RMDN1: variants seen among roughly 807,000 people sequenced by gnomAD.
RMDN1 encodes regulator of microtubule dynamics protein 1.
In RMDN1, 48 loss-of-function variants were observed where a neutral mutation model predicts 48.9. The ratio of observed to expected loss-of-function variants is 0.98; its 90% confidence interval spans 0.78 to 1.25. The LOEUF (loss-of-function observed/expected upper bound fraction) is 1.25, where lower values mean the gene tolerates loss of function less well. Ranked by LOEUF, RMDN1 falls within the 50% of genes most tolerant of loss-of-function variation. RMDN1 has a pLI of 0.00. For missense variants in RMDN1, 418 were observed against 373.4 expected (o/e 1.12, Z -0.98); for synonymous variants, 148 against 132.6 (o/e 1.12, Z -0.80).
Position 86,474,336 on chromosome 8 carries a change from A to C in RMDN1, c.917T>G (p.Leu306Trp). 1 of 1,613,502 alleles carries C rather than the reference A, an allele frequency of 6.2e-7. No individual in the cohort carries two copies. Among genetic ancestry groups the C allele is most frequent in the Non-Finnish European group, 8.5e-7 (1 of 1,179,562 alleles). Reference sequence around the variant, plus strand: ...ATTCTTCTCACTGAAACTTGTAAGCAACTGAGCAGCTTCTGTCTGTATCTA... The same window carrying C: ...ATTCTTCTCACTGAAACTTGTAAGCCACTGAGCAGCTTCTGTCTGTATCTA... ...DKQIQTEAAQ[L>W]LTSFSEKN is the part of the protein sequence containing the mutation. Residue 306 changes from leucine to tryptophan, a missense_variant, in exon 10 of 10, where the codon TTG (leucine) becomes TGG (tryptophan). Transcript: ENST00000406452.
At position 86,475,811 on chromosome 8, in the gene RMDN1, T is replaced by A. The variant is rs1813272963; in HGVS notation, c.761-858A>T. On this transcript the variant is annotated intron_variant, in intron 8 of 9. Transcript: ENST00000406452. Reference sequence around the variant, plus strand: ...GCAGATTTGTGTGATGCCATGTTGATATACTTAAGTTGTCCTGGGGTTAAA... The same window carrying A: ...GCAGATTTGTGTGATGCCATGTTGAAATACTTAAGTTGTCCTGGGGTTAAA... Among the ~76,000 whole-genome samples, 2 of 152,100 alleles carry A rather than the reference T, an allele frequency of 1.3e-5. 1 individual carries two copies. Among genetic ancestry groups the A allele is most frequent in the South Asian group, 4.1e-4 (2 of 4,828 alleles).
intron 2 of RMDN1, among the ~76,000 whole-genome samples, chr8:86,503,385 A>AAAAAAAAAAAAAAAAAAAAAACAAAAC (rs1554594088): frequency 1.2e-5 from 1 of 81,094 alleles, no homozygotes; most frequent in Non-Finnish European, 2.3e-5. Flanking sequence ...AAAAAAAAAA[A>AAAAAAAAAAAAAAAAAAAAAACAAAAC]AAAACAAAAA....
downstream of RMDN1, among the ~76,000 whole-genome samples, chr8:86,469,113 C>T (rs1438979266): frequency 1.3e-5 from 2 of 151,154 alleles, no homozygotes; most frequent in Non-Finnish European, 2.9e-5. Context: ...ACAATTCTAT[C>T]TGTTAGATCA....
rs1814671318 is a variant in RMDN1 at position 86,482,458 on chromosome 8, G to GCCATA, written c.586-2131_586-2127dup. The GCCATA allele has an allele frequency of 7.5e-6, 4 of 533,994 alleles. No homozygotes were observed. The Admixed American group carries it at 9.9e-5, about 13-fold the overall frequency. The allele number at this position is 533,994 out of a possible 1,614,324, so 33.1% of individuals were successfully genotyped here. ...TTTGCAGTCTTAAGTTGACAGCAAT[G>GCCATA]CCATATATTATTAGAAAGTGTTATT... On this transcript the variant is annotated intron_variant, in intron 5 of 9. Coordinates refer to ENST00000406452, the MANE Select transcript of RMDN1 (RefSeq NM_016033.3).
intron 4 of RMDN1, 88 bp from the exon 5 acceptor site, chr8:86,485,049 A>G (rs1475451999): frequency 5.7e-5 from 39 of 687,038 alleles, no homozygotes; most frequent in Non-Finnish European, 5.0e-5. Flanking sequence ...TTCAATAGTC[A>G]TTCTCATCCA....
At chr8:86,482,950 TC>T in intron 5 of RMDN1, 1 of 787,250 alleles carries the variant, frequency 1.3e-6, no homozygotes. Context: ...TCGGACGAGG[TC>T]CCCGGCGGAC....
Position 86,508,513 on chromosome 8 carries a change from G to A in RMDN1, c.108C>T (p.Pro36=), listed in dbSNP as rs370980908. The A allele has an allele frequency of 2.4e-4, 382 of 1,560,984 alleles. 1 individual carries two copies. In the African/African-American group the frequency reaches 4.7e-3, roughly 19 times the overall value. ...GTACCTCGAAGCCGCGGAATCGACA[G>A]GGGCCGCAATGCCCGCGGCTGCCCG... is the stretch of plus-strand genomic sequence containing the variant. ...GTSGSRGHCG[P]CRFRGFEVMG... is the part of the protein sequence containing the mutation. The change falls in exon 1 of 10, where the codon CCC becomes CCT. Residue 36 remains proline, a synonymous_variant. Transcript: ENST00000406452.
chr8:86,473,775 A>G lies in RMDN1; in HGVS notation c.*533T>C, dbSNP rs907731005. On this transcript the variant is annotated 3_prime_UTR_variant, in exon 10 of 10. Transcript: ENST00000406452. ...AGTGAGACTCTGTCTCAAAAAAATA[A>G]AAAAGGAAACTACTCCATTTTTAGT... 6.2e-6 allele frequency: 6 copies of G among 970,814 alleles called. No homozygotes were observed. In the African/African-American group the frequency reaches 8.8e-5, roughly 14 times the overall value. 60.1% of individuals were successfully genotyped at this position (970,814 alleles called of 1,614,324 possible).
chr8:86,477,299 T>A lies in RMDN1; in HGVS notation c.755A>T (p.Glu252Val). The A allele has an allele frequency of 6.2e-7, 1 of 1,602,600 alleles. No homozygotes were observed. Among genetic ancestry groups the A allele is most frequent in the African/African-American group, 1.3e-5 (1 of 74,642 alleles). Residue 252 changes from glutamate (E) to valine (V), a missense_variant, in exon 8 of 10, where the codon GAA (glutamate) becomes GTA (valine). Coordinates refer to ENST00000406452, the MANE Select transcript of RMDN1 (RefSeq NM_016033.3). ...EKALGYFHRA[E>V]QVDPNFYSKN... ...TGTAATCAAAAATACCTTACCTTGT[T>A]CTGCCCTGTGAAAGTAGCCTAAGGC...
At chr8:86,504,934 C>A in intron 2 of RMDN1, 3 of 1,243,104 alleles carry the variant, frequency 2.4e-6, no homozygotes, top group Non-Finnish European at 3.5e-6. Flanking sequence ...GTCCCTGAGA[C>A]CCATGGCAGG....
At chr8:86,500,207 T>C (rs4961197) in intron 2 of RMDN1, among the ~76,000 whole-genome samples, 40,232 of 152,028 alleles carry the variant, frequency 0.26, 6,210 homozygotes, top group East Asian at 0.53. Flanking sequence ...AGCTTCTATA[T>C]AGCAAAAGAA....
chr8:86,477,180 C>A, intron 8 of RMDN1, 114 bp downstream of exon 8: 1 of 686,066 alleles, frequency 1.5e-6, no homozygotes, highest in South Asian at 3.2e-5. Context: ...CAGTATCTAG[C>A]ACAAAAATAA....
downstream of RMDN1, among the ~76,000 whole-genome samples, chr8:86,471,126 TGA>T (rs1812521832): frequency 6.6e-6 from 1 of 151,342 alleles, no homozygotes; most frequent in Non-Finnish European, 1.5e-5. Context: ...TGGGATAGGC[TGA>T]GAGAAAGGTA....
chr8:86,481,877 A>G, intron 5 of RMDN1: 1 of 737,824 alleles, frequency 1.4e-6, no homozygotes. Flanking sequence ...ACATCAAGGT[A>G]GATCTAATAT....
downstream of RMDN1, among the ~76,000 whole-genome samples, chr8:86,469,360 G>GT (rs932120148): frequency 4.6e-5 from 7 of 152,258 alleles, no homozygotes; most frequent in African/African-American, 1.7e-4. Flanking sequence ...ACCCTGACTG[G>GT]TAAGTTGCAT....
intron 2 of RMDN1, among the ~76,000 whole-genome samples, chr8:86,501,468 T>C (rs867762012): frequency 1.3e-5 from 2 of 151,854 alleles, no homozygotes; most frequent in Middle Eastern, 6.8e-3. Context: ...AGCCTAGGAG[T>C]TCAAGACCAG....
In RMDN1 at chr8:86,474,189, G is replaced by A. The variant is rs868122540; in HGVS notation, c.*119C>T. 5.4e-5 allele frequency: 79 copies of A among 1,465,232 alleles called. No homozygotes were observed. In the African/African-American group the frequency reaches 6.6e-4, roughly 12 times the overall value. 90.8% of individuals were successfully genotyped at this position (1,465,232 alleles called of 1,614,324 possible). A position where few individuals can be genotyped will look rare whatever the true frequency, so the allele number is the denominator to read the frequency against. On this transcript the variant is annotated 3_prime_UTR_variant, in exon 10 of 10. Transcript: ENST00000406452. ...AGCCTAGAATATTTTATATTTACAC[G>A]GTTAAATGGTCACAACATTTAAAAA...
chr8:86,499,198 A>T (rs564224620), intron 2 of RMDN1, among the ~76,000 whole-genome samples: 56 of 152,334 alleles, frequency 3.7e-4, no homozygotes, highest in African/African-American at 1.1e-3. Context: ...TAAATATAGT[A>T]CTGGAAGTCC....
chr8:86,510,879 T>C (rs1317282057), upstream of RMDN1, among the ~76,000 whole-genome samples: 6 of 152,144 alleles, frequency 3.9e-5, no homozygotes. Context: ...TCCCAATATT[T>C]TGGGAGGCCA....
Sources: gnomAD v4.1 joint callset for allele counts (sites outside exome capture counted in the v4.1 genomes callset) on GRCh38, gnomAD v4.1.1 for gene constraint, MANE v1.5 for transcripts, NCBI Gene and HGNC (gene_info 2026-07-23, HGNC 2026-07-21) for gene names.